The following SMYD3 variants were observed in gnomAD, a reference collection of about 807,000 sequenced individuals.
SMYD3 encodes the protein SET and MYND domain containing 3, also known as histone-lysine N-methyltransferase SMYD3.
In SMYD3, 36 loss-of-function variants were observed where a neutral mutation model predicts 57.7. That is an observed-to-expected ratio of 0.62 (90% confidence interval 0.48 to 0.82). SMYD3 has a LOEUF of 0.82. Ranked by LOEUF, SMYD3 falls within the 40% of genes least tolerant of loss-of-function variation. The pLI, the probability that SMYD3 is intolerant of heterozygous loss-of-function variation, is 0.00. For synonymous variants in SMYD3, 211 were observed against 195.0 expected, an observed-to-expected ratio of 1.08 and a Z score of -0.68; for missense variants, 515 against 538.8, an observed-to-expected ratio of 0.96 and a Z score of 0.44.
chr1:245,837,570 C>T (rs1424498865), intron 10 of SMYD3, among the ~76,000 whole-genome samples: 1 of 152,154 alleles, frequency 6.6e-6, no homozygotes, highest in East Asian at 1.9e-4. Context: ...CTGCAACCTT[C>T]GCATTTTTTA....
chr1:246,237,044 C>T (rs12069072), intron 5 of SMYD3, among the ~76,000 whole-genome samples: 40,555 of 152,000 alleles, frequency 0.27, 6,109 homozygotes, highest in East Asian at 0.58. Context: ...TCAAGAAAAA[C>T]CACTTAATAA....
intron 5 of SMYD3, among the ~76,000 whole-genome samples, chr1:246,320,934 T>C (rs1465602786): frequency 6.6e-6 from 1 of 152,230 alleles, no homozygotes; most frequent in Non-Finnish European, 1.5e-5. Flanking sequence ...TTAAGATGCA[T>C]GTGTGAGAAA....
chr1:245,940,005 C>A (rs1214776824), intron 5 of SMYD3, among the ~76,000 whole-genome samples: 1 of 152,170 alleles, frequency 6.6e-6, no homozygotes, highest in African/African-American at 2.4e-5. Context: ...CTCCACAGTG[C>A]AGCATAGCGG....
intron 5 of SMYD3, among the ~76,000 whole-genome samples, chr1:246,269,528 T>A (rs2064175218): frequency 7.2e-6 from 1 of 139,066 alleles, no homozygotes; most frequent in African/African-American, 2.5e-5. Context: ...GTTTTCTTTC[T>A]GTTTCTTTTT....
chr1:245,852,011 G>A (rs1480628941), intron 10 of SMYD3, among the ~76,000 whole-genome samples: 1 of 152,196 alleles, frequency 6.6e-6, no homozygotes, highest in African/African-American at 2.4e-5. Flanking sequence ...CAATCATTTT[G>A]TTTCATCCTT....
At chr1:246,421,337 G>A (rs1349146306) in intron 1 of SMYD3, among the ~76,000 whole-genome samples, 2 of 151,882 alleles carry the variant, frequency 1.3e-5, no homozygotes, top group East Asian at 1.9e-4. Context: ...TACTAATTCT[G>A]TAAACCAGTA....
intron 5 of SMYD3, among the ~76,000 whole-genome samples, chr1:246,096,765 T>G (rs149672594): frequency 1.1e-3 from 155 of 147,276 alleles, no homozygotes; most frequent in African/African-American, 3.5e-3. Flanking sequence ...GTAACAAATG[T>G]TTATCATTGT....
At chr1:246,102,097 A>G (rs1292955122) in intron 5 of SMYD3, among the ~76,000 whole-genome samples, 1 of 152,178 alleles carries the variant, frequency 6.6e-6, no homozygotes, top group Non-Finnish European at 1.5e-5. Flanking sequence ...TGGTTTCTGG[A>G]GCTGAACTCA....
rs749442954 is a variant in SMYD3, at chr1:246,335,411, G to A, written c.292C>T (p.Pro98Ser). 52 of 1,614,152 alleles carry A rather than the reference G, an allele frequency of 3.2e-5. 1 individual carries two copies. In the South Asian group the frequency reaches 3.4e-4, roughly 11 times the overall value. The change falls in exon 3 of 12, where the codon CCT (proline) becomes TCT (serine). Residue 98 changes from proline (P) to serine (S), a missense_variant. By Grantham distance (74) the Pro-to-Ser change is moderately conservative. Transcript: ENST00000490107. Reference protein sequence around the residue: ...KCLKSCKPRYPPDSVRLLGRV... With the variant: ...KCLKSCKPRYSPDSVRLLGRV... ...CCAAGAAGTCGAACGGAGTCTGGAG[G>A]ATATCTGGGTTTGCAGCTTTTAAGG...
chr1:245,894,131 A>G (rs1171060496), intron 8 of SMYD3, among the ~76,000 whole-genome samples: 2 of 152,176 alleles, frequency 1.3e-5, no homozygotes, highest in Non-Finnish European at 2.9e-5. Flanking sequence ...GGGATTGTAA[A>G]ATGCACCAGC....
chr1:246,196,015 A>T (rs921413355), intron 5 of SMYD3, among the ~76,000 whole-genome samples: 1 of 152,168 alleles, frequency 6.6e-6, no homozygotes, highest in African/African-American at 2.4e-5. Context: ...AGTGAAAATC[A>T]ATTTTACTGT....
At chr1:246,489,804 T>C (rs1332300931) in intron 1 of SMYD3, among the ~76,000 whole-genome samples, 1 of 152,128 alleles carries the variant, frequency 6.6e-6, no homozygotes, top group African/African-American at 2.4e-5. Flanking sequence ...TATGAAGTTA[T>C]TTATGCTTAA....
intron 5 of SMYD3, among the ~76,000 whole-genome samples, chr1:246,133,155 T>G (rs1232471797): frequency 6.6e-6 from 1 of 151,972 alleles, no homozygotes; most frequent in Non-Finnish European, 1.5e-5. Context: ...CCAAAAGAAC[T>G]GAATAGTATC....
At chr1:246,499,364 T>C (rs1298564173) in intron 1 of SMYD3, among the ~76,000 whole-genome samples, 2 of 151,392 alleles carry the variant, frequency 1.3e-5, no homozygotes, top group African/African-American at 4.9e-5. Flanking sequence ...AATTTACATA[T>C]ATGTAACAAT....
chr1:245,963,579 A>G (rs1268545820), intron 5 of SMYD3, among the ~76,000 whole-genome samples: 1 of 152,060 alleles, frequency 6.6e-6, no homozygotes, highest in Non-Finnish European at 1.5e-5. Context: ...AGTGAGTATC[A>G]GAGAAAAATT....
At chr1:245,816,690 C>T (rs375057793) in intron 10 of SMYD3, among the ~76,000 whole-genome samples, 12 of 151,908 alleles carry the variant, frequency 7.9e-5, no homozygotes, top group South Asian at 4.1e-4. Flanking sequence ...AGTGGGTGCG[C>T]GCACCGTGCG....
intron 5 of SMYD3, among the ~76,000 whole-genome samples, chr1:246,038,319 C>G (rs989291423): frequency 1.3e-5 from 2 of 152,264 alleles, no homozygotes; most frequent in African/African-American, 4.8e-5. Context: ...AGAGGAAAGA[C>G]TGTACCTTAA....
intron 8 of SMYD3, among the ~76,000 whole-genome samples, chr1:245,893,297 G>A (rs922402979): frequency 2.6e-5 from 4 of 152,166 alleles, no homozygotes; most frequent in African/African-American, 9.7e-5. Flanking sequence ...TTGAAAAAAA[G>A]TGCAGCAATT....
At chr1:245,781,601 TATTAC>T (rs1164057124) in intron 10 of SMYD3, among the ~76,000 whole-genome samples, 1 of 152,184 alleles carries the variant, frequency 6.6e-6, no homozygotes, top group Non-Finnish European at 1.5e-5. Flanking sequence ...AGGTAGTTGC[TATTAC>T]ATTAAAAATA....
Sources: gnomAD v4.1 joint callset for allele counts (sites outside exome capture counted in the v4.1 genomes callset) on GRCh38, gnomAD v4.1.1 for gene constraint, MANE v1.5 for transcripts, NCBI Gene and HGNC (gene_info 2026-07-23, HGNC 2026-07-21) for gene names.